Variants in EPB41L4B observed in about 807,000 individuals in gnomAD.
EPB41L4B encodes band 4.1-like protein 4B.
In EPB41L4B, 30 loss-of-function variants were observed where a neutral mutation model predicts 112.5. The observed-to-expected ratio is 0.27, with a 90% CI of 0.20 to 0.36. The LOEUF (loss-of-function observed/expected upper bound fraction) is 0.36, where lower values mean the gene tolerates loss of function less well. Among genes scored for constraint, EPB41L4B ranks in the 10% least tolerant of loss-of-function variants. The pLI, the probability that EPB41L4B is intolerant of heterozygous loss-of-function variation, is 1.00. For missense variants in EPB41L4B, 1,024 were observed against 1,133.3 expected (o/e 0.90, Z 1.38); for synonymous variants, 408 against 439.7 (o/e 0.93, Z 0.90).
intron 1 of EPB41L4B, among the ~76,000 whole-genome samples, chr9:109,290,063 A>T (rs2119176278): frequency 6.6e-6 from 1 of 152,290 alleles, no homozygotes; most frequent in African/African-American, 2.4e-5. Context: ...GGTAACTTCA[A>T]ACCCAGGCAT....
intron 20 of EPB41L4B, among the ~76,000 whole-genome samples, chr9:109,196,928 G>A (rs1832662433): frequency 6.6e-6 from 1 of 152,102 alleles, no homozygotes; most frequent in African/African-American, 2.4e-5. Flanking sequence ...TGCTTTTGGT[G>A]GAGCAACCTA....
intron 2 of EPB41L4B, among the ~76,000 whole-genome samples, chr9:109,274,227 G>A (rs952592014): frequency 4.6e-5 from 7 of 152,128 alleles, no homozygotes; most frequent in African/African-American, 1.4e-4. Context: ...AGCAGCTTAG[G>A]GAAGGACTTA....
At chr9:109,226,829 AAT>A (rs370938269) in intron 15 of EPB41L4B, among the ~76,000 whole-genome samples, 16 of 146,230 alleles carry the variant, frequency 1.1e-4, no homozygotes, top group East Asian at 2.0e-4. Context: ...ATATATGAAG[AAT>A]ATATATATAT....
rs75595120 is a variant in EPB41L4B, at chr9:109,241,344, C to T, written c.1409+2274G>A. 1.1e-3 allele frequency: 1,192 copies of T among 1,065,330 alleles called. 6 individuals are homozygous for T. The African/African-American group carries it at 0.019, about 17-fold the overall frequency. The allele number at this position is 1,065,330 out of a possible 1,614,324, so 66.0% of individuals were successfully genotyped here. A position where few individuals can be genotyped will look rare whatever the true frequency, so the allele number is the denominator to read the frequency against. ...TCCCAAGCTCTTCTGGTTTTATTTG[C>T]TCCCATTAATTAAATAACAAAGAAC... is the stretch of plus-strand genomic sequence containing the variant. On this transcript the variant is annotated intron_variant, in intron 15 of 25. Transcript: ENST00000374566.
rs574389503 is a variant in EPB41L4B at position 109,320,313 on chromosome 9, G to A, written c.134C>T (p.Ala45Val). Residue 45 changes from alanine (A) to valine (V), a missense_variant, in exon 1 of 26, where the codon GCC becomes GTC. Transcript: ENST00000374566. Reference protein sequence around the residue: ...GGPRGGPAAAASSSALPAAPG... With the variant: ...GGPRGGPAAAVSSSALPAAPG... The stretch of plus-strand genomic sequence containing the variant: ...CGCGGCGGGCAGCGCCGAGGAGGAG[G>A]CGGCGGCGGCCGGGCCCCCCCGTGG... 221 of 1,006,976 alleles carry A rather than the reference G, an allele frequency of 2.2e-4. 1 individual carries two copies. The African/African-American group carries it at 3.6e-3, about 17-fold the overall frequency. 62.4% of individuals were successfully genotyped at this position (1,006,976 alleles called of 1,614,324 possible). A position where few individuals can be genotyped will look rare whatever the true frequency, so the allele number is the denominator to read the frequency against.
chr9:109,185,433 G>T, intron 23 of EPB41L4B, 56 bp downstream of exon 23: 1 of 1,502,604 alleles, frequency 6.7e-7, no homozygotes, highest in Non-Finnish European at 9.3e-7. Context: ...TCGCCTGGTG[G>T]CTCCTGCCCA....
chr9:109,182,474 G>A, intron 24 of EPB41L4B, among the ~76,000 whole-genome samples: 1 of 152,316 alleles, frequency 6.6e-6, no homozygotes, highest in East Asian at 1.9e-4. Context: ...AAATGTATTG[G>A]AACTGATAGA....
At chr9:109,208,884 T>C (rs1833068134) in intron 17 of EPB41L4B, among the ~76,000 whole-genome samples, 1 of 152,166 alleles carries the variant, frequency 6.6e-6, no homozygotes, top group African/African-American at 2.4e-5. Flanking sequence ...CCAATGCTAA[T>C]ATGGTACCCG....
chr9:109,272,490 C>T (rs1365648662), intron 2 of EPB41L4B, among the ~76,000 whole-genome samples: 1 of 151,918 alleles, frequency 6.6e-6, no homozygotes, highest in Non-Finnish European at 1.5e-5. Flanking sequence ...TGGTGGCTCA[C>T]GTCTGTAATC....
chr9:109,316,467 T>G (rs1047286588), intron 1 of EPB41L4B, among the ~76,000 whole-genome samples: 4 of 152,186 alleles, frequency 2.6e-5, no homozygotes, highest in Admixed American at 2.6e-4. Context: ...CCAAGCACAC[T>G]AATGGGATCT....
chr9:109,283,755 T>A (rs1298661527), intron 1 of EPB41L4B, among the ~76,000 whole-genome samples: 1 of 152,130 alleles, frequency 6.6e-6, no homozygotes, highest in Non-Finnish European at 1.5e-5. Context: ...ATGCTCCTTA[T>A]GACGGGATTA....
Position 109,285,055 on chromosome 9 carries a change from C to G in EPB41L4B, c.307-5134G>C, listed in dbSNP as rs191338585. ...ATTCACAATTTCCCCAAATCCATAT[C>G]GCCAACCCAGACTTATCCTGCAGCA... On this transcript the variant is annotated intron_variant, in intron 1 of 25. Coordinates refer to ENST00000374566, the MANE Select transcript of EPB41L4B (RefSeq NM_019114.5). Among the ~76,000 whole-genome samples the G allele has an allele frequency of 3.5e-3, 540 of 152,320 alleles. 1 individual carries two copies. Among genetic ancestry groups the G allele is most frequent in the Non-Finnish European group, 5.5e-3 (372 of 68,028 alleles).
At chr9:109,212,835 T>A (rs574533228) in intron 17 of EPB41L4B, among the ~76,000 whole-genome samples, 1 of 152,228 alleles carries the variant, frequency 6.6e-6, no homozygotes, top group East Asian at 1.9e-4. Flanking sequence ...CACAACTGGA[T>A]GGGGGTCCCT....
intron 15 of EPB41L4B, chr9:109,241,495 G>T (rs1201995821): frequency 1.5e-5 from 21 of 1,415,094 alleles, no homozygotes; most frequent in Middle Eastern, 2.6e-4. Flanking sequence ...ATTATGACAA[G>T]CTATAGTGGT....
chr9:109,173,767 A>T lies in EPB41L4B; in HGVS notation c.*787T>A, dbSNP rs1226169064. 1 of 152,660 alleles carries T rather than the reference A, an allele frequency of 6.6e-6. No individual in the cohort carries two copies. The highest frequency in any genetic ancestry group is 2.4e-5 in the African/African-American group (1 of 41,464). The allele number at this position is 152,660 out of a possible 1,614,324, so 9.5% of individuals were successfully genotyped here. A position where few individuals can be genotyped will look rare whatever the true frequency, so the allele number is the denominator to read the frequency against. On this transcript the variant is annotated 3_prime_UTR_variant, in exon 26 of 26. Transcript: ENST00000374566. Reference sequence around the variant, plus strand: ...TTAAAAACACATTTCTTGAAACTATATAAAAAGAGCAAAATTTCTTCTGGT... The same window carrying T: ...TTAAAAACACATTTCTTGAAACTATTTAAAAAGAGCAAAATTTCTTCTGGT...
At position 109,293,173 on chromosome 9, in the gene EPB41L4B, T is replaced by C. The variant is rs1472203849; in HGVS notation, c.307-13252A>G. Among the ~76,000 whole-genome samples, 6 of 152,216 alleles carry C rather than the reference T, an allele frequency of 3.9e-5. No individual in the cohort carries two copies. In the East Asian group the frequency reaches 1.2e-3, roughly 29 times the overall value. On this transcript the variant is annotated intron_variant, in intron 1 of 25. Coordinates refer to ENST00000374566, the MANE Select transcript of EPB41L4B (RefSeq NM_019114.5). The stretch of plus-strand genomic sequence containing the variant: ...CACTAAGCACTGGGGGAGTGTGTTA[T>C]GCAACAAAAGATTACCAGAATGAAA...
chr9:109,294,595 G>C (rs562871891), intron 1 of EPB41L4B, among the ~76,000 whole-genome samples: 3 of 152,126 alleles, frequency 2.0e-5, no homozygotes, highest in Non-Finnish European at 4.4e-5. Flanking sequence ...CTGCATTCCA[G>C]CCTGGGCAAC....
At chr9:109,286,454 C>G (rs1836284517) in intron 1 of EPB41L4B, among the ~76,000 whole-genome samples, 1 of 152,170 alleles carries the variant, frequency 6.6e-6, no homozygotes, top group African/African-American at 2.4e-5. Context: ...ACTGCCAAAG[C>G]TGTTTACCTA....
intron 2 of EPB41L4B, among the ~76,000 whole-genome samples, chr9:109,268,896 CAAAAAA>C (rs55646924): frequency 1.5e-4 from 16 of 106,754 alleles, no homozygotes; most frequent in Admixed American, 7.6e-4. Context: ...AACTCCGTCT[CAAAAAA>C]AAAAAAAAAA....
Sources: allele counts gnomAD v4.1 joint callset (sites outside exome capture counted in the v4.1 genomes callset), GRCh38; gene constraint gnomAD v4.1.1; transcripts MANE v1.5; gene names NCBI Gene and HGNC (gene_info 2026-07-23, HGNC 2026-07-21).